The following SYNPR variants were observed in gnomAD, a reference collection of about 807,000 sequenced individuals.
SYNPR encodes synaptoporin.
A neutral mutation model predicts 32.9 loss-of-function variants in SYNPR; 23 were observed. The ratio of observed to expected loss-of-function variants is 0.70; its 90% CI spans 0.50 to 0.99. The LOEUF is 0.99. Among genes scored for constraint, SYNPR ranks in the 50% least tolerant of loss-of-function variants. The pLI is 0.00. For synonymous variants in SYNPR, 146 were observed against 135.9 expected, an observed-to-expected ratio of 1.07 and a Z score of -0.52; for missense variants, 318 against 349.3, an observed-to-expected ratio of 0.91 and a Z score of 0.71.
intron 2 of SYNPR, among the ~76,000 whole-genome samples, chr3:63,378,327 T>A (rs2087920244): frequency 6.6e-6 from 1 of 152,158 alleles, no homozygotes; most frequent in East Asian, 1.9e-4. Flanking sequence ...CAACCTATAT[T>A]AATCATTCAG....
At chr3:63,266,841 C>T (rs1490878921) in intron 2 of SYNPR, among the ~76,000 whole-genome samples, 1 of 151,972 alleles carries the variant, frequency 6.6e-6, no homozygotes, top group African/African-American at 2.4e-5. Flanking sequence ...ACCCAGTAGC[C>T]ATGGTGCCGG....
At chr3:63,516,276 C>A (rs976433176) in intron 3 of SYNPR, among the ~76,000 whole-genome samples, 1 of 151,990 alleles carries the variant, frequency 6.6e-6, no homozygotes, top group Admixed American at 6.6e-5. Flanking sequence ...TTATCTTGGG[C>A]AACTCACACT....
At chr3:63,346,781 C>T (rs1285482165) in intron 2 of SYNPR, among the ~76,000 whole-genome samples, 2 of 152,102 alleles carry the variant, frequency 1.3e-5, no homozygotes, top group African/African-American at 4.8e-5. Context: ...AATTTATTTG[C>T]CTCTCTTTTT....
chr3:63,261,095 G>A (rs981584188), intron 2 of SYNPR, among the ~76,000 whole-genome samples: 12 of 152,108 alleles, frequency 7.9e-5, no homozygotes, highest in African/African-American at 2.9e-4. Context: ...TGGAGAAATA[G>A]GAACACTTTT....
chr3:63,584,339 G>T (rs1703145409), intron 4 of SYNPR, among the ~76,000 whole-genome samples: 1 of 152,104 alleles, frequency 6.6e-6, no homozygotes, highest in Non-Finnish European at 1.5e-5. Flanking sequence ...CCTTTGGCAA[G>T]AGAGAACACA....
chr3:63,526,232 G>A (rs757213239), intron 3 of SYNPR, among the ~76,000 whole-genome samples: 7 of 152,206 alleles, frequency 4.6e-5, no homozygotes, highest in African/African-American at 7.2e-5. Flanking sequence ...GGTCAAAGGA[G>A]ACTTTCCTTG....
chr3:63,228,532 G>GT (rs1490711763), intron 1 of SYNPR, among the ~76,000 whole-genome samples: 2 of 152,038 alleles, frequency 1.3e-5, no homozygotes, highest in Non-Finnish European at 2.9e-5. Context: ...TCTGGGTATT[G>GT]TATTTGTTTC....
At chr3:63,331,652 G>A (rs2106984092) in intron 2 of SYNPR, among the ~76,000 whole-genome samples, 1 of 152,046 alleles carries the variant, frequency 6.6e-6, no homozygotes, top group South Asian at 2.1e-4. Context: ...TTTTACTTGA[G>A]GAACTTAAAA....
chr3:63,201,272 A>G, the SYNPR span, among the ~76,000 whole-genome samples: 1 of 152,170 alleles, frequency 6.6e-6, no homozygotes, highest in Non-Finnish European at 1.5e-5. Context: ...TGTCTGCAAG[A>G]TGTGTTCACC....
chr3:63,300,853 C>G (rs950803476), intron 2 of SYNPR, among the ~76,000 whole-genome samples: 1 of 151,968 alleles, frequency 6.6e-6, no homozygotes, highest in African/African-American at 2.4e-5. Flanking sequence ...AAAGCACTCC[C>G]CCAATAAATT....
At chr3:63,443,193 G>A (rs997865087) in intron 2 of SYNPR, 14 of 1,303,530 alleles carry the variant, frequency 1.1e-5, no homozygotes, top group Non-Finnish European at 1.3e-5. Flanking sequence ...TCAGGTTCCT[G>A]TACTCAGCTG....
At chr3:63,410,926 G>T (rs1032402426) in intron 2 of SYNPR, among the ~76,000 whole-genome samples, 1 of 152,156 alleles carries the variant, frequency 6.6e-6, no homozygotes, top group Non-Finnish European at 1.5e-5. Context: ...CAGGGCAGCA[G>T]AATTCATCTT....
chr3:63,592,910 T>A (rs912123628), intron 4 of SYNPR, among the ~76,000 whole-genome samples: 6 of 152,080 alleles, frequency 3.9e-5, no homozygotes, highest in Admixed American at 1.3e-4. Flanking sequence ...AAAAATACTA[T>A]GAAAATGTAT....
At chr3:63,218,790 G>C in the SYNPR span, among the ~76,000 whole-genome samples, 1 of 152,140 alleles carries the variant, frequency 6.6e-6, no homozygotes, top group Non-Finnish European at 1.5e-5. Flanking sequence ...TATATTAACA[G>C]GACATGAGCT....
chr3:63,481,498 G>C (rs1393590409), intron 3 of SYNPR, among the ~76,000 whole-genome samples: 1 of 150,946 alleles, frequency 6.6e-6, no homozygotes, highest in East Asian at 1.9e-4. Context: ...ACTGTTCCTA[G>C]TCTAAGACAA....
chr3:63,373,027 C>G (rs34430002), intron 2 of SYNPR, among the ~76,000 whole-genome samples: 2,263 of 151,922 alleles, frequency 0.015, 34 homozygotes, highest in Non-Finnish European at 0.024. Flanking sequence ...GCTACAAACC[C>G]CCTGCAAAAA....
intron 4 of SYNPR, among the ~76,000 whole-genome samples, chr3:63,595,816 G>GTTATATATATATATATATATATAA (rs1699942475): frequency 2.4e-5 from 1 of 41,136 alleles, no homozygotes; most frequent in Non-Finnish European, 4.5e-5. Flanking sequence ...TATATATATA[G>GTTATATATATATATATATATATAA]TTTTATATAT....
rs558447890 is a variant in SYNPR, at chr3:63,527,876, A to G, written c.210-28667A>G. On this transcript the variant is annotated intron_variant, in intron 3 of 5. Transcript: ENST00000478300. ...TGTAGTGTGGCACTTTATCTTCCCAATGTACATCAGAGTTAACATTCTACT... is the reference window on the plus strand; with the variant it reads ...TGTAGTGTGGCACTTTATCTTCCCAGTGTACATCAGAGTTAACATTCTACT... 2.6e-5 allele frequency among the ~76,000 whole-genome samples: 4 copies of G among 152,264 alleles called. No individual in the cohort carries two copies. The South Asian group carries it at 8.3e-4, about 32-fold the overall frequency.
chr3:63,605,741 G>T (rs1195037369), intron 4 of SYNPR, among the ~76,000 whole-genome samples: 2 of 152,194 alleles, frequency 1.3e-5, no homozygotes, highest in Non-Finnish European at 2.9e-5. Context: ...AATGAAATTT[G>T]AGCATTGATT....
Sources: allele counts gnomAD v4.1 joint callset (sites outside exome capture counted in the v4.1 genomes callset), GRCh38; gene constraint gnomAD v4.1.1; transcripts MANE v1.5; gene names NCBI Gene and HGNC (gene_info 2026-07-23, HGNC 2026-07-21).